Variants in ZSCAN21 observed in about 807,000 individuals in gnomAD.
The protein encoded by ZSCAN21 is zinc finger and SCAN domain containing 21.
ZSCAN21 carries 26 observed loss-of-function variants against 35.6 expected under a neutral mutation model. The observed-to-expected ratio is 0.73, with a 90% CI of 0.54 to 1.01. The LOEUF is 1.01. ZSCAN21 is among the 50% of genes least tolerant of loss of function. ZSCAN21 has a pLI of 0.00. For missense variants in ZSCAN21, 593 were observed against 587.1 expected (o/e 1.01, Z -0.10); for synonymous variants, 219 against 219.3 (o/e 1.00, Z 0.01).
In ZSCAN21 at chr7:100,057,118, C is replaced by G. The variant is rs1271088002; in HGVS notation, c.112C>G (p.Leu38Val). 6.2e-7 allele frequency: 1 copy of G among 1,614,042 alleles called. No individual in the cohort carries two copies. The highest frequency in any genetic ancestry group is 8.5e-7 in the Non-Finnish European group (1 of 1,180,046). Residue 38 changes from leucine to valine, a missense_variant, in exon 2 of 4, where the codon CTT (leucine) becomes GTT (valine). Physicochemically the swap from Leu to Val is conservative, Grantham distance 32. Transcript: ENST00000292450. ...VEEKEEKGKY[L>V]PSLEMFRQRF... ...GGAGAAAGAAGAGAAAGGCAAGTAC[C>G]TTCCTAGCCTGGAGATGTTCCGCCA...
Position 100,064,182 on chromosome 7 carries a change from G to A in ZSCAN21, c.987G>A (p.Val329=), listed in dbSNP as rs757935181. Residue 329 remains valine, a synonymous_variant, in exon 4 of 4, where the codon GTG becomes GTA. Coordinates refer to ENST00000292450, the MANE Select transcript of ZSCAN21 (RefSeq NM_145914.3). The part of the protein sequence containing the change: ...NLTLHYRTHL[V]DRPYDCKCGK... ...CCCTCCACTACAGAACACACTTGGTGGACCGGCCCTATGACTGTAAGTGTG... is the reference window on the plus strand; with the variant it reads ...CCCTCCACTACAGAACACACTTGGTAGACCGGCCCTATGACTGTAAGTGTG... The A allele has an allele frequency of 5.6e-6, 9 of 1,614,116 alleles. No individual in the cohort carries two copies. In the South Asian group the frequency reaches 6.6e-5, roughly 12 times the overall value.
chr7:100,053,488 C>T (rs926521872), intron 1 of ZSCAN21, among the ~76,000 whole-genome samples: 4 of 148,874 alleles, frequency 2.7e-5, no homozygotes, highest in African/African-American at 9.9e-5. Context: ...GTAACAGTTA[C>T]GTAAAGTTAA....
Position 100,064,895 on chromosome 7 carries a change from AAC to A in ZSCAN21, c.*280_*281del. 6.5e-7 allele frequency: 1 copy of A among 1,545,512 alleles called. No homozygotes were observed. Among genetic ancestry groups the A allele is most frequent in the Non-Finnish European group, 8.9e-7 (1 of 1,121,338 alleles). On this transcript the variant is annotated 3_prime_UTR_variant, in exon 4 of 4. Transcript: ENST00000292450. The stretch of plus-strand genomic sequence containing the variant: ...GCCAGCATTACCTTTTGCGTAGTTA[AAC>A]AGACGTGTATCCAGTCTAGTTAAGG...
At chr7:100,063,657 G>T in intron 3 of ZSCAN21, 131 bp from the exon 4 acceptor site, 1 of 763,784 alleles carries the variant, frequency 1.3e-6, no homozygotes. Context: ...GTATCTATGC[G>T]CTATCATGAG....
chr7:100,057,356 T>C lies in ZSCAN21; in HGVS notation c.350T>C (p.Val117Ala). ...TGCCCGGAGAGCGCTGAAGAGGCTG[T>C]CACTCTCCTCGAAGATCTGGAGCGG... is the stretch of plus-strand genomic sequence containing the variant. ...EHCPESAEEA[V>A]TLLEDLEREL... The change falls in exon 2 of 4, where the codon GTC becomes GCC. Residue 117 changes from valine (V) to alanine (A), a missense_variant. By Grantham distance (64) the Val-to-Ala change is moderately conservative. Coordinates refer to ENST00000292450, the MANE Select transcript of ZSCAN21 (RefSeq NM_145914.3). 6.3e-7 allele frequency: 1 copy of C among 1,585,610 alleles called. No individual in the cohort carries two copies. The highest frequency in any genetic ancestry group is 2.2e-5 in the East Asian group (1 of 44,720).
intron 3 of ZSCAN21, among the ~76,000 whole-genome samples, chr7:100,059,778 C>CG (rs1792216637): frequency 6.6e-6 from 1 of 151,864 alleles, no homozygotes; most frequent in African/African-American, 2.4e-5. Flanking sequence ...GGCGCTATAT[C>CG]GGCTCACCGC....
chr7:100,060,189 A>G (rs1467513731), intron 3 of ZSCAN21, among the ~76,000 whole-genome samples: 1 of 152,250 alleles, frequency 6.6e-6, no homozygotes. Flanking sequence ...AGAAAGATCA[A>G]GGTGGCAGGC....
intron 1 of ZSCAN21, among the ~76,000 whole-genome samples, chr7:100,052,171 C>T (rs991893430): frequency 5.3e-5 from 8 of 151,894 alleles, no homozygotes; most frequent in Non-Finnish European, 1.2e-4. Context: ...GTGAGAGGAT[C>T]GCTTGAGGCC....
intron 3 of ZSCAN21, among the ~76,000 whole-genome samples, chr7:100,059,590 G>C (rs577825816): frequency 2.5e-5 from 3 of 122,354 alleles, no homozygotes; most frequent in African/African-American, 9.3e-5. Flanking sequence ...GTCTCCCTCT[G>C]TTGCTAGGCT....
chr7:100,063,414 A>G (rs1792440627), intron 3 of ZSCAN21, among the ~76,000 whole-genome samples: 1 of 152,100 alleles, frequency 6.6e-6, no homozygotes, highest in African/African-American at 2.4e-5. Context: ...CCTGGCCAGC[A>G]TGTTGAAACC....
intron 1 of ZSCAN21, chr7:100,051,471 T>G (rs1420022113): frequency 6.6e-6 from 1 of 151,206 alleles, no homozygotes; most frequent in Non-Finnish European, 1.5e-5. Context: ...TTTTTTGTAT[T>G]TTTTAGTAGA....
chr7:100,058,465 G>A (rs776390026), intron 3 of ZSCAN21, among the ~76,000 whole-genome samples: 3 of 152,180 alleles, frequency 2.0e-5, no homozygotes, highest in South Asian at 2.1e-4. Context: ...GCAGCCAGAG[G>A]GCAGGAAAGA....
chr7:100,050,202 C>G (rs1275001501), intron 1 of ZSCAN21, among the ~76,000 whole-genome samples: 2 of 152,002 alleles, frequency 1.3e-5, no homozygotes, highest in Admixed American at 1.3e-4. Context: ...GAGGTCCGAA[C>G]GCAAGGCTCA....
At chr7:100,062,311 C>T (rs1452433868) in intron 3 of ZSCAN21, among the ~76,000 whole-genome samples, 3 of 140,628 alleles carry the variant, frequency 2.1e-5, no homozygotes, top group African/African-American at 8.1e-5. Context: ...TTTTAAAGGG[C>T]CGGGTGTGGT....
chr7:100,062,976 T>C (rs1207814983), intron 3 of ZSCAN21, among the ~76,000 whole-genome samples: 1 of 152,206 alleles, frequency 6.6e-6, no homozygotes, highest in East Asian at 1.9e-4. Flanking sequence ...CATTGCAGCC[T>C]TGACCTTCCA....
intron 1 of ZSCAN21, 137 bp from the exon 2 acceptor site, chr7:100,056,774 A>G: frequency 2.4e-6 from 1 of 421,182 alleles, no homozygotes; most frequent in South Asian, 3.6e-5. Context: ...CATTCCAGAA[A>G]GATTTTGAGC....
Position 100,064,691 on chromosome 7 carries a change from C to T in ZSCAN21, c.*74C>T, listed in dbSNP as rs1203774409. On this transcript the variant is annotated 3_prime_UTR_variant, in exon 4 of 4. Transcript: ENST00000292450. ...AAACCAGAAAGAAGTCTTGTCATTGCAGCAGCATCGATTCCGGTGATAGAG... is the reference window on the plus strand; with the variant it reads ...AAACCAGAAAGAAGTCTTGTCATTGTAGCAGCATCGATTCCGGTGATAGAG... 6.2e-7 allele frequency: 1 copy of T among 1,605,862 alleles called. No homozygotes were observed. The highest frequency in any genetic ancestry group is 1.3e-5 in the African/African-American group (1 of 74,752).
intron 1 of ZSCAN21, among the ~76,000 whole-genome samples, chr7:100,050,973 C>T (rs549011644): frequency 6.6e-6 from 1 of 151,392 alleles, no homozygotes. Context: ...GAGTGCATCA[C>T]CTGAGGTCGG....
chr7:100,055,260 A>T (rs1584372124), intron 1 of ZSCAN21, among the ~76,000 whole-genome samples: 2 of 148,206 alleles, frequency 1.3e-5, no homozygotes, highest in South Asian at 2.2e-4. Context: ...CTGGCACTTC[A>T]GTTTGTTTTG....
Sources: allele counts gnomAD v4.1 joint callset (sites outside exome capture counted in the v4.1 genomes callset), GRCh38; gene constraint gnomAD v4.1.1; transcripts MANE v1.5; gene names NCBI Gene and HGNC (gene_info 2026-07-23, HGNC 2026-07-21).